EXOC6: variants seen among roughly 807,000 people sequenced by gnomAD.
The protein encoded by EXOC6 is exocyst complex component 6.
A neutral mutation model predicts 112.5 loss-of-function variants in EXOC6; 60 were observed. The observed-to-expected ratio is 0.53, with a 90% CI of 0.43 to 0.66. The LOEUF (loss-of-function observed/expected upper bound fraction) is 0.66. EXOC6 is among the 30% of genes least tolerant of loss of function. The probability of loss-of-function intolerance (pLI) is 0.00; values close to 1 mark genes in which losing one functional copy is unlikely to be tolerated. For synonymous variants in EXOC6, 295 were observed against 308.0 expected (o/e 0.96, Z 0.44); for missense variants, 855 against 957.1 (o/e 0.89, Z 1.41).
At chr10:92,946,290 C>T (rs538627849) in intron 13 of EXOC6, among the ~76,000 whole-genome samples, 81 of 150,566 alleles carry the variant, frequency 5.4e-4, no homozygotes, top group African/African-American at 1.9e-3. Flanking sequence ...AGCTAGACTC[C>T]GTCTCAAAAA....
chr10:92,836,174 C>G (rs191971051), intron 1 of EXOC6, among the ~76,000 whole-genome samples: 10 of 152,276 alleles, frequency 6.6e-5, no homozygotes, highest in African/African-American at 2.4e-4. Context: ...CTTCAGAGCC[C>G]TTGGCCTTCA....
rs2133819252 is a variant in EXOC6, at chr10:92,895,371, A to G, written c.412+351A>G. 2.0e-5 allele frequency among the ~76,000 whole-genome samples: 3 copies of G among 152,006 alleles called. No individual in the cohort carries two copies. In the South Asian group the frequency reaches 6.2e-4, roughly 32 times the overall value. On this transcript the variant is annotated intron_variant, in intron 4 of 21. Coordinates refer to ENST00000260762, the MANE Select transcript of EXOC6 (RefSeq NM_019053.6). ...TGGTTACATTTTCTCACCTTTACCT[A>G]ATTTGCCTGATTTTTTACCTCTAGT...
At chr10:92,938,742 A>T (rs1852495894) in intron 12 of EXOC6, among the ~76,000 whole-genome samples, 1 of 152,166 alleles carries the variant, frequency 6.6e-6, no homozygotes, top group East Asian at 1.9e-4. Flanking sequence ...GGGACGTAAA[A>T]GTCCTTGGCT....
In EXOC6 at chr10:92,945,166, T is replaced by C. The variant is rs568281155; in HGVS notation, c.1311-3108T>C. On this transcript the variant is annotated intron_variant, in intron 13 of 21. Coordinates refer to ENST00000260762, the MANE Select transcript of EXOC6 (RefSeq NM_019053.6). ...TGTATACCTGTTGGACATTTTTGTG[T>C]CTTCTTTTGATAAATATCTATTCAG... Among the ~76,000 whole-genome samples the C allele has an allele frequency of 1.6e-4, 25 of 152,346 alleles. 1 individual carries two copies. The South Asian group carries it at 1.7e-3, about 10-fold the overall frequency.
chr10:92,868,652 T>C (rs1314485771), intron 1 of EXOC6, among the ~76,000 whole-genome samples: 1 of 152,174 alleles, frequency 6.6e-6, no homozygotes, highest in Non-Finnish European at 1.5e-5. Flanking sequence ...GTTGATGATA[T>C]TGAGTCTTCC....
intron 18 of EXOC6, among the ~76,000 whole-genome samples, chr10:92,975,445 C>G (rs1459543396): frequency 1.3e-5 from 2 of 151,228 alleles, no homozygotes; most frequent in African/African-American, 2.4e-5. Context: ...AGCGTCTCCG[C>G]CCGGCAGCCG....
Position 92,957,669 on chromosome 10 carries a change from GT to G in EXOC6, c.1773+1959del, listed in dbSNP as rs1853766382. On this transcript the variant is annotated intron_variant, in intron 17 of 21. Transcript: ENST00000260762. ...GTTTTCTAATATGTGAGCAAGAGCT[GT>G]TTTCATCTTAAGATTTGAAGGTCAA... is the stretch of plus-strand genomic sequence containing the variant. 3.3e-5 allele frequency among the ~76,000 whole-genome samples: 5 copies of G among 152,128 alleles called. No individual in the cohort carries two copies. In the South Asian group the frequency reaches 1.0e-3, roughly 32 times the overall value.
intron 17 of EXOC6, among the ~76,000 whole-genome samples, chr10:92,967,042 A>C (rs1842098655): frequency 6.6e-6 from 1 of 150,718 alleles, no homozygotes; most frequent in African/African-American, 2.5e-5. Context: ...ATGGCCAGTG[A>C]TGATGAGCAT....
intron 20 of EXOC6, among the ~76,000 whole-genome samples, chr10:93,026,615 C>T (rs1412911126): frequency 6.6e-6 from 1 of 152,240 alleles, no homozygotes; most frequent in Non-Finnish European, 1.5e-5. Context: ...TCCTTGGTCA[C>T]ATTTTGTAAT....
intron 8 of EXOC6, among the ~76,000 whole-genome samples, chr10:92,921,142 A>T (rs952906177): frequency 6.6e-6 from 1 of 151,996 alleles, no homozygotes; most frequent in Admixed American, 6.6e-5. Flanking sequence ...CATTTGTTTT[A>T]ACATGTCTTA....
upstream of EXOC6, among the ~76,000 whole-genome samples, chr10:92,847,981 C>T (rs539713074): frequency 6.6e-6 from 1 of 152,064 alleles, no homozygotes; most frequent in East Asian, 1.9e-4. Context: ...CCACCTGGAG[C>T]GGTCTTCATG....
intron 12 of EXOC6, among the ~76,000 whole-genome samples, chr10:92,936,640 T>G (rs1185823883): frequency 6.6e-6 from 1 of 152,204 alleles, no homozygotes; most frequent in Non-Finnish European, 1.5e-5. Flanking sequence ...GATTTTTCTT[T>G]TTATTGGGAG....
chr10:92,976,040 G>A (rs1374342736), intron 18 of EXOC6, among the ~76,000 whole-genome samples: 1 of 60,852 alleles, frequency 1.6e-5, no homozygotes, highest in Non-Finnish European at 2.9e-5. Flanking sequence ...CGTCCGGGAG[G>A]GAGGTGGGGG....
At chr10:93,015,484 A>G (rs146533656) in intron 20 of EXOC6, among the ~76,000 whole-genome samples, 1 of 152,368 alleles carries the variant, frequency 6.6e-6, no homozygotes, top group African/African-American at 2.4e-5. Flanking sequence ...CTGTTATCCC[A>G]GCACTTTGGG....
chr10:92,938,599 C>T (rs1852485799), intron 12 of EXOC6, among the ~76,000 whole-genome samples: 2 of 152,060 alleles, frequency 1.3e-5, no homozygotes, highest in African/African-American at 4.8e-5. Context: ...ATTTATATTC[C>T]TTACTGCCTA....
chr10:93,001,589 C>T (rs1030987163), intron 19 of EXOC6, among the ~76,000 whole-genome samples: 3 of 152,158 alleles, frequency 2.0e-5, no homozygotes, highest in East Asian at 3.9e-4. Context: ...CCCCCTTTAT[C>T]GGAATTAGAG....
At chr10:93,020,086 T>C (rs1844713397) in intron 20 of EXOC6, among the ~76,000 whole-genome samples, 1 of 152,082 alleles carries the variant, frequency 6.6e-6, no homozygotes, top group Admixed American at 6.5e-5. Context: ...AAAATACATA[T>C]TAAAGGAAAA....
chr10:93,042,371 G>A (rs2134336782), intron 20 of EXOC6, among the ~76,000 whole-genome samples: 1 of 152,280 alleles, frequency 6.6e-6, no homozygotes, highest in East Asian at 1.9e-4. Context: ...TGTGTAATCA[G>A]CATGTTAGTT....
intron 20 of EXOC6, among the ~76,000 whole-genome samples, chr10:93,034,156 T>C (rs1042237100): frequency 1.3e-5 from 2 of 152,216 alleles, no homozygotes; most frequent in Non-Finnish European, 2.9e-5. Flanking sequence ...TTAATCTTGA[T>C]TGCTAAAGTT....
Sources: gnomAD v4.1 joint callset for allele counts (sites outside exome capture counted in the v4.1 genomes callset) on GRCh38, gnomAD v4.1.1 for gene constraint, MANE v1.5 for transcripts, NCBI Gene and HGNC (gene_info 2026-07-23, HGNC 2026-07-21) for gene names.